RPL14: variants seen among roughly 807,000 people sequenced by gnomAD.
RPL14 encodes the protein large ribosomal subunit protein eL14.
In RPL14, 4 loss-of-function variants were observed where a neutral mutation model predicts 25.3. The observed-to-expected ratio is 0.16, with a 90% CI of 0.08 to 0.36. RPL14 has a LOEUF of 0.36. RPL14 is among the 10% of genes least tolerant of loss of function. The pLI is 1.00. For synonymous variants in RPL14, 75 were observed against 89.8 expected (o/e 0.84, Z 0.93); for missense variants, 212 against 261.9 (o/e 0.81, Z 1.31).
Position 40,458,007 on chromosome 3 carries a change from T to G in RPL14, c.105+16T>G. 2 of 1,608,142 alleles carry G rather than the reference T, an allele frequency of 1.2e-6. No individual in the cohort carries two copies. The highest frequency in any genetic ancestry group is 1.7e-6 in the Non-Finnish European group (2 of 1,174,652). ...TCAGAACAGGGTAAGTGTCACAACT[T>G]TTTACTAAACATGGCAGTGGACATG... On this transcript the variant is annotated intron_variant, in intron 2 of 5. Transcript: ENST00000396203.
Position 40,466,940 on chromosome 3 carries a change from A to G in RPL14, c.*4708A>G, listed in dbSNP as rs1697036166. ...TAGTACTAAAATTAAAAGTTACCTC[A>G]TTCTTCTAGCTAGCTGATTTTTTTT... is the stretch of plus-strand genomic sequence containing the variant. On this transcript the variant is annotated 3_prime_UTR_variant, in exon 6 of 6. Coordinates refer to ENST00000396203, the MANE Select transcript of RPL14 (RefSeq NM_001034996.3). 1.5e-5 allele frequency: 2 copies of G among 133,920 alleles called. No homozygotes were observed. Among genetic ancestry groups the G allele is most frequent in the Non-Finnish European group, 3.2e-5 (2 of 62,574 alleles). 8.3% of individuals were successfully genotyped at this position (133,920 alleles called of 1,614,324 possible). A position where few individuals can be genotyped will look rare whatever the true frequency, so the allele number is the denominator to read the frequency against.
Position 40,464,365 on chromosome 3 carries a change from A to G in RPL14, c.*2133A>G. ...ATTTGCTTGATAATAGGCAAGTGGT[A>G]TGGTGTAATAAGGAAAATATGGATG... On this transcript the variant is annotated 3_prime_UTR_variant, in exon 6 of 6. Coordinates refer to ENST00000396203, the MANE Select transcript of RPL14 (RefSeq NM_001034996.3). 2.3e-6 allele frequency: 1 copy of G among 428,362 alleles called. No individual in the cohort carries two copies. Among genetic ancestry groups the G allele is most frequent in the Admixed American group, 2.5e-5 (1 of 40,096 alleles). The allele number at this position is 428,362 out of a possible 1,614,324, so 26.5% of individuals were successfully genotyped here.
At chr3:40,458,916 C>T (rs773032125) in intron 3 of RPL14, 180 bp downstream of exon 3, 27 of 583,882 alleles carry the variant, frequency 4.6e-5, no homozygotes, top group Non-Finnish European at 8.0e-5. Flanking sequence ...TAGCTCATGC[C>T]TGTAATCCCA....
chr3:40,462,628 G>A lies in RPL14; in HGVS notation c.*396G>A, dbSNP rs534118468. 41 of 161,552 alleles carry A rather than the reference G, an allele frequency of 2.5e-4. No individual in the cohort carries two copies. The South Asian group carries it at 6.8e-3, about 27-fold the overall frequency. The allele number at this position is 161,552 out of a possible 1,614,324, so 10.0% of individuals were successfully genotyped here. A position where few individuals can be genotyped will look rare whatever the true frequency, so the allele number is the denominator to read the frequency against. On this transcript the variant is annotated 3_prime_UTR_variant, in exon 6 of 6. Coordinates refer to ENST00000396203, the MANE Select transcript of RPL14 (RefSeq NM_001034996.3). ...CCTGACCTCGTGATCCGCCCGCCTCGGCCTCCCAAAGTGCTAGGATTGCAG... is the reference window on the plus strand; with the variant it reads ...CCTGACCTCGTGATCCGCCCGCCTCAGCCTCCCAAAGTGCTAGGATTGCAG...
chr3:40,462,900 A>G lies in RPL14; in HGVS notation c.*668A>G, dbSNP rs1232478851. 6.6e-6 allele frequency: 1 copy of G among 152,184 alleles called. No individual in the cohort carries two copies. The highest frequency in any genetic ancestry group is 1.9e-4 in the East Asian group (1 of 5,192). The allele number at this position is 152,184 out of a possible 1,614,324, so 9.4% of individuals were successfully genotyped here. A position where few individuals can be genotyped will look rare whatever the true frequency, so the allele number is the denominator to read the frequency against. ...TAAAGTGACAGCCTCTTGATGCTCAAGAGTCTAGCAGATTTATTTTATTTA... is the reference window on the plus strand; with the variant it reads ...TAAAGTGACAGCCTCTTGATGCTCAGGAGTCTAGCAGATTTATTTTATTTA... On this transcript the variant is annotated 3_prime_UTR_variant, in exon 6 of 6. Transcript: ENST00000396203.
At chr3:40,458,114 T>C (rs1696872752) in intron 2 of RPL14, 123 bp downstream of exon 2, 7 of 792,180 alleles carry the variant, frequency 8.8e-6, no homozygotes, top group African/African-American at 1.7e-5. Flanking sequence ...ATTTTACCAT[T>C]GAGGAAACAG....
At chr3:40,459,207 G>A (rs951892350) in intron 3 of RPL14, 1 of 155,024 alleles carries the variant, frequency 6.5e-6, no homozygotes, top group Non-Finnish European at 1.4e-5. Flanking sequence ...TAAAATAAAT[G>A]CCTTGAGGTC....
chr3:40,458,955 C>T (rs1205044107), intron 3 of RPL14: 2 of 472,420 alleles, frequency 4.2e-6, no homozygotes, highest in East Asian at 3.8e-5. Context: ...GTGGGAGGGT[C>T]TCTTGAGCCC....
In RPL14 at chr3:40,464,052, C is replaced by G. The variant is rs144887444; in HGVS notation, c.*1820C>G. 1 of 165,132 alleles carries G rather than the reference C, an allele frequency of 6.1e-6. No homozygotes were observed. The highest frequency in any genetic ancestry group is 1.3e-5 in the Non-Finnish European group (1 of 75,658). 10.2% of individuals were successfully genotyped at this position (165,132 alleles called of 1,614,324 possible). A position where few individuals can be genotyped will look rare whatever the true frequency, so the allele number is the denominator to read the frequency against. On this transcript the variant is annotated 3_prime_UTR_variant, in exon 6 of 6. Transcript: ENST00000396203. ...TGGCACGATCTCAGCTCACTGCGAC[C>G]TCCACCTCCCAGGTTCAAGTTGTTC...
At position 40,465,951 on chromosome 3, in the gene RPL14, G is replaced by A. The variant is rs888838817; in HGVS notation, c.*3719G>A. 2.6e-5 allele frequency: 4 copies of A among 152,238 alleles called. No homozygotes were observed. The highest frequency in any genetic ancestry group is 7.2e-5 in the African/African-American group (3 of 41,452). 9.4% of individuals were successfully genotyped at this position (152,238 alleles called of 1,614,324 possible). A position where few individuals can be genotyped will look rare whatever the true frequency, so the allele number is the denominator to read the frequency against. On this transcript the variant is annotated 3_prime_UTR_variant, in exon 6 of 6. Transcript: ENST00000396203. ...CACACCTGTAATCCCAGCACTATGG[G>A]AGGCTGAGGCAGGCGGATCACCTGA...
At chr3:40,461,098 A>G (rs1331853165) in intron 3 of RPL14, among the ~76,000 whole-genome samples, 2 of 151,892 alleles carry the variant, frequency 1.3e-5, no homozygotes, top group Non-Finnish European at 2.9e-5. Flanking sequence ...TGGGAGGCTG[A>G]GGCAGGAGGA....
rs924606929 is a variant in RPL14 at position 40,464,875 on chromosome 3, G to A, written c.*2643G>A. The A allele has an allele frequency of 1.6e-4, 33 of 208,836 alleles. No homozygotes were observed. The highest frequency in any genetic ancestry group is 3.6e-4 in the Admixed American group (7 of 19,510). The allele number at this position is 208,836 out of a possible 1,614,324, so 12.9% of individuals were successfully genotyped here. ...GGTAAAGTTTATCTAGGTAAAATGA[G>A]TTAGTTTTCATGTAGACTATCTGGG... is the stretch of plus-strand genomic sequence containing the variant. On this transcript the variant is annotated 3_prime_UTR_variant, in exon 6 of 6. Transcript: ENST00000396203.
chr3:40,458,123 AGGTAAT>A, intron 2 of RPL14, 132 bp downstream of exon 2: 1 of 735,704 alleles, frequency 1.4e-6, no homozygotes, highest in East Asian at 2.6e-5. Context: ...TTGAGGAAAC[AGGTAAT>A]GGTACGGGTT....
intron 3 of RPL14, among the ~76,000 whole-genome samples, chr3:40,460,421 A>T (rs982080249): frequency 6.6e-6 from 1 of 151,908 alleles, no homozygotes; most frequent in East Asian, 1.9e-4. Context: ...GGGTGGATGG[A>T]ACAGAAGAAT....
Position 40,464,311 on chromosome 3 carries a change from G to A in RPL14, c.*2079G>A, listed in dbSNP as rs1696996224. On this transcript the variant is annotated 3_prime_UTR_variant, in exon 6 of 6. Transcript: ENST00000396203. ...TCCTAACCAAAAGCTAGCTTCAGGC[G>A]TCACTGGGGTAAAGGAAAAAGCACA... 8.4e-6 allele frequency: 3 copies of A among 356,264 alleles called. No individual in the cohort carries two copies. Among genetic ancestry groups the A allele is most frequent in the Admixed American group, 3.6e-5 (1 of 28,146 alleles). 22.1% of individuals were successfully genotyped at this position (356,264 alleles called of 1,614,324 possible).
In RPL14 at chr3:40,468,162, G is replaced by A. The variant is rs1362672931; in HGVS notation, c.*5930G>A. The A allele has an allele frequency of 6.6e-6, 1 of 152,326 alleles. No homozygotes were observed. Among genetic ancestry groups the A allele is most frequent in the East Asian group, 1.9e-4 (1 of 5,184 alleles). The allele number at this position is 152,326 out of a possible 1,614,324, so 9.4% of individuals were successfully genotyped here. A position where few individuals can be genotyped will look rare whatever the true frequency, so the allele number is the denominator to read the frequency against. ...GGCCCTCTTTTTCTATTTAAACAGTGCTTCCGTGAATGTCCTTGTGTACAC... is the reference window on the plus strand; with the variant it reads ...GGCCCTCTTTTTCTATTTAAACAGTACTTCCGTGAATGTCCTTGTGTACAC... On this transcript the variant is annotated 3_prime_UTR_variant, in exon 6 of 6. Coordinates refer to ENST00000396203, the MANE Select transcript of RPL14 (RefSeq NM_001034996.3).
At chr3:40,458,461 T>C (rs922017271) in intron 2 of RPL14, 181 bp from the exon 3 acceptor site, 3 of 596,134 alleles carry the variant, frequency 5.0e-6, no homozygotes, top group African/African-American at 1.9e-5. Context: ...AATGTTTGTG[T>C]TGAGCAAAAG....
At chr3:40,461,839 T>C in intron 5 of RPL14, 100 bp from the exon 6 acceptor site, 1 of 1,358,746 alleles carries the variant, frequency 7.4e-7, no homozygotes, top group Non-Finnish European at 1.0e-6. Context: ...GATGTAGTTG[T>C]AGGGAAACAG....
Position 40,466,915 on chromosome 3 carries a change from T to C in RPL14, c.*4683T>C, listed in dbSNP as rs1343616257. 6.6e-6 allele frequency: 1 copy of C among 152,052 alleles called. No homozygotes were observed. The highest frequency in any genetic ancestry group is 1.5e-5 in the Non-Finnish European group (1 of 68,028). The allele number at this position is 152,052 out of a possible 1,614,324, so 9.4% of individuals were successfully genotyped here. A position where few individuals can be genotyped will look rare whatever the true frequency, so the allele number is the denominator to read the frequency against. ...GTTGGGTGAAATACTGTTTATCCTT[T>C]AGTACTAAAATTAAAAGTTACCTCA... On this transcript the variant is annotated 3_prime_UTR_variant, in exon 6 of 6. Coordinates refer to ENST00000396203, the MANE Select transcript of RPL14 (RefSeq NM_001034996.3).
Sources: allele counts gnomAD v4.1 joint callset (sites outside exome capture counted in the v4.1 genomes callset), GRCh38; gene constraint gnomAD v4.1.1; transcripts MANE v1.5; gene names NCBI Gene and HGNC (gene_info 2026-07-23, HGNC 2026-07-21).